Variants in GABRA3 observed in about 807,000 individuals in gnomAD.
The protein encoded by GABRA3 is gamma-aminobutyric acid receptor subunit alpha-3.
A neutral mutation model predicts 30.1 loss-of-function variants in GABRA3; 10 were observed. The observed-to-expected ratio is 0.33, with a 90% CI of 0.20 to 0.56. The LOEUF (loss-of-function observed/expected upper bound fraction) is 0.56, where lower values mean the gene tolerates loss of function less well. GABRA3 is among the 20% of genes least tolerant of loss of function. The pLI is 0.89. For missense variants in GABRA3, 233 were observed against 392.0 expected (o/e 0.59, Z 3.42); for synonymous variants, 151 against 146.8 (o/e 1.03, Z -0.21).
intron 5 of GABRA3, chrX:152,250,423 T>A (rs1938532594): frequency 9.0e-6 from 1 of 111,423 alleles, no homozygotes; most frequent in African/African-American, 3.2e-5. Flanking sequence ...CCATAAATAG[T>A]TCTCCTTCAT....
chrX:152,374,171 T>A, intron 1 of GABRA3, among the ~76,000 whole-genome samples: 1 of 110,587 alleles, frequency 9.0e-6, no homozygotes, highest in Middle Eastern at 4.7e-3. Flanking sequence ...TAAGTTTGTT[T>A]AGATTCCTTG....
At chrX:152,333,833 C>G (rs761726448) in intron 3 of GABRA3, among the ~76,000 whole-genome samples, 13 of 111,738 alleles carry the variant, frequency 1.2e-4, no homozygotes, top group Admixed American at 1.9e-4. Context: ...TAAAACTCCA[C>G]AAGTTTACTT....
In GABRA3 at chrX:152,302,939, G is replaced by A. The variant is rs770211508; in HGVS notation, c.263-18204C>T. On this transcript the variant is annotated intron_variant, in intron 3 of 9. Coordinates refer to ENST00000370314, the MANE Select transcript of GABRA3 (RefSeq NM_000808.4). ...TTCTTTTATGACTGTGTAGGATTCC[G>A]TGGTGTATATGTACCACATTTTCTT... Among the ~76,000 whole-genome samples, 76 of 111,843 alleles carry A rather than the reference G, an allele frequency of 6.8e-4. 1 individual carries two copies. The highest frequency in any genetic ancestry group is 2.2e-3 in the African/African-American group (69 of 30,798).
chrX:152,315,969 C>CCCCCCCCCCCCCCCCCCCG (rs1939869195), intron 3 of GABRA3, among the ~76,000 whole-genome samples: 1 of 30,842 alleles, frequency 3.2e-5, no homozygotes. Context: ...GCCCGCCCCC[C>CCCCCCCCCCCCCCCCCCCG]GACCCCCCCC....
chrX:152,379,652 T>C (rs1469721841), intron 1 of GABRA3, among the ~76,000 whole-genome samples: 2 of 111,806 alleles, frequency 1.8e-5, no homozygotes, highest in Non-Finnish European at 3.8e-5. Context: ...TCATCTTCCT[T>C]TTCTTTGGGC....
chrX:152,352,677 G>A (rs764576866), intron 2 of GABRA3, among the ~76,000 whole-genome samples: 1 of 111,733 alleles, frequency 8.9e-6, no homozygotes, highest in Non-Finnish European at 1.9e-5. Flanking sequence ...CTGGGAGAGA[G>A]CAGATTTTTT....
chrX:152,374,602 G>A (rs936099119), intron 1 of GABRA3, among the ~76,000 whole-genome samples: 4 of 110,858 alleles, frequency 3.6e-5, no homozygotes, highest in African/African-American at 6.6e-5. Context: ...TGCCTGTCTC[G>A]GCCTCTCAAA....
chrX:152,264,736 G>A (rs1291942830), intron 4 of GABRA3, among the ~76,000 whole-genome samples: 2 of 111,266 alleles, frequency 1.8e-5, no homozygotes, highest in Non-Finnish European at 3.8e-5. Flanking sequence ...CCAGTGGTCT[G>A]TTGCCTAAAA....
At chrX:152,195,633 T>C (rs1234801122) in intron 8 of GABRA3, among the ~76,000 whole-genome samples, 1 of 111,467 alleles carries the variant, frequency 9.0e-6, no homozygotes, top group Admixed American at 9.5e-5. Context: ...TTTCTTCAAA[T>C]CCGACAGCAG....
intron 4 of GABRA3, among the ~76,000 whole-genome samples, chrX:152,270,642 G>A (rs897568577): frequency 9.0e-6 from 1 of 110,800 alleles, no homozygotes; most frequent in Admixed American, 9.6e-5. Flanking sequence ...ATCACTTGAG[G>A]TCAGGAGTTC....
chrX:152,399,418 T>TA (rs896553930), intron 1 of GABRA3, among the ~76,000 whole-genome samples: 3 of 110,923 alleles, frequency 2.7e-5, no homozygotes, highest in South Asian at 3.8e-4. Flanking sequence ...GCTCAGATTT[T>TA]AAAAAAAATA....
Position 152,415,333 on chromosome X carries a change from C to A in GABRA3, c.-27+35813G>T, listed in dbSNP as rs761468145. Among the ~76,000 whole-genome samples, 137 of 110,845 alleles carry A rather than the reference C, an allele frequency of 1.2e-3. 1 individual carries two copies. Among genetic ancestry groups the A allele is most frequent in the Non-Finnish European group, 2.2e-3 (116 of 52,661 alleles). ...ACCTAAAACTACTCTAAAATATAAA[C>A]CCTATTAATTTTCTAAAAGCCAATT... On this transcript the variant is annotated intron_variant, in intron 1 of 9. Coordinates refer to ENST00000370314, the MANE Select transcript of GABRA3 (RefSeq NM_000808.4).
chrX:152,329,634 G>C (rs778836378), intron 3 of GABRA3, among the ~76,000 whole-genome samples: 3 of 111,774 alleles, frequency 2.7e-5, no homozygotes, highest in Non-Finnish European at 5.6e-5. Context: ...TGGGAAAACT[G>C]GCTAGCAATA....
intron 4 of GABRA3, among the ~76,000 whole-genome samples, chrX:152,267,025 C>T (rs977047213): frequency 8.9e-6 from 1 of 112,136 alleles, no homozygotes; most frequent in African/African-American, 3.2e-5. Flanking sequence ...TAAGTATTGA[C>T]ACAGTTATCC....
In GABRA3 at chrX:152,286,239, T is replaced by C. The variant is rs1003541029; in HGVS notation, c.263-1504A>G. On this transcript the variant is annotated intron_variant, in intron 3 of 9. Transcript: ENST00000370314. ...ACCCAGAGAAGTGAAGTTTTTCCAC[T>C]ACTGAGTTTTTCTTTTCCTGCTTCT... Among the ~76,000 whole-genome samples the C allele has an allele frequency of 6.6e-5, 7 of 106,482 alleles. No homozygotes were observed. The Admixed American group carries it at 7.2e-4, about 11-fold the overall frequency. 92.5% of individuals were successfully genotyped at this position (106,482 alleles called of 115,157 possible).
intron 3 of GABRA3, among the ~76,000 whole-genome samples, chrX:152,291,680 C>T (rs1025024864): frequency 3.6e-5 from 4 of 111,223 alleles, no homozygotes; most frequent in African/African-American, 6.5e-5. Context: ...TTTTGAGATA[C>T]GTTCCATCAA....
At chrX:152,176,828 C>T (rs1244319612) in intron 9 of GABRA3, among the ~76,000 whole-genome samples, 1 of 111,351 alleles carries the variant, frequency 9.0e-6, no homozygotes, top group African/African-American at 3.3e-5. Flanking sequence ...GATTCAATGT[C>T]TTGGGATTGA....
chrX:152,245,193 C>T (rs907687722), intron 5 of GABRA3, among the ~76,000 whole-genome samples: 2 of 110,558 alleles, frequency 1.8e-5, no homozygotes, highest in African/African-American at 3.3e-5. Flanking sequence ...TAGGCCTTCT[C>T]GAAGTGGAAC....
At chrX:152,197,932 T>C (rs1435404307) in intron 7 of GABRA3, 147 bp from the exon 8 acceptor site, 1 of 410,389 alleles carries the variant, frequency 2.4e-6, no homozygotes, top group Non-Finnish European at 4.0e-6. Context: ...CCTTTAATAA[T>C]CACAAAATAG....
Sources: allele counts gnomAD v4.1 joint callset (sites outside exome capture counted in the v4.1 genomes callset), GRCh38; gene constraint gnomAD v4.1.1; transcripts MANE v1.5; gene names NCBI Gene and HGNC (gene_info 2026-07-23, HGNC 2026-07-21).